The following DMGDH variants were observed in gnomAD, a reference collection of about 807,000 sequenced individuals.
The protein encoded by DMGDH is dimethylglycine dehydrogenase, also known as dimethylglycine dehydrogenase, mitochondrial.
In DMGDH, 76 loss-of-function variants were observed where a neutral mutation model predicts 95.2. The ratio of observed to expected loss-of-function variants is 0.80; its 90% CI spans 0.66 to 0.97. The LOEUF is 0.97. Ranked by LOEUF, DMGDH falls within the 50% of genes least tolerant of loss-of-function variation. The pLI is 0.00. For synonymous variants in DMGDH, 345 were observed against 377.6 expected, an observed-to-expected ratio of 0.91 and a Z score of 1.00; for missense variants, 987 against 1,055.0, an observed-to-expected ratio of 0.94 and a Z score of 0.89.
chr5:79,017,269 A>G (rs1417154938), intron 14 of DMGDH, among the ~76,000 whole-genome samples: 2 of 152,212 alleles, frequency 1.3e-5, no homozygotes, highest in Non-Finnish European at 2.9e-5. Context: ...TCTGAAAAAA[A>G]TTTGCAAAGC....
At chr5:79,049,368 T>C (rs141023643) in intron 5 of DMGDH, among the ~76,000 whole-genome samples, 1 of 152,368 alleles carries the variant, frequency 6.6e-6, no homozygotes, top group African/African-American at 2.4e-5. Flanking sequence ...AGGTCTTCTA[T>C]GTTATTTCTC....
chr5:79,051,114 A>C (rs959351508), intron 5 of DMGDH, among the ~76,000 whole-genome samples, 173 bp downstream of exon 5: 2 of 152,202 alleles, frequency 1.3e-5, no homozygotes, highest in Middle Eastern at 6.3e-3. Context: ...TAGCGCATCC[A>C]CCAAGAGCAA....
intron 15 of DMGDH, chr5:79,000,947 C>A: frequency 1.5e-6 from 1 of 677,676 alleles, no homozygotes; most frequent in Non-Finnish European, 2.7e-6. Context: ...CCTCATTTGG[C>A]AGCATCACTT....
chr5:79,064,616 T>A lies in DMGDH; in HGVS notation c.102-829A>T, dbSNP rs548950647. Among the ~76,000 whole-genome samples the A allele has an allele frequency of 8.9e-4, 136 of 152,260 alleles. 1 individual carries two copies. Among genetic ancestry groups the A allele is most frequent in the African/African-American group, 3.1e-3 (128 of 41,568 alleles). On this transcript the variant is annotated intron_variant, in intron 1 of 15. Transcript: ENST00000255189. ...GTAACTTCATTATTTTATAAACTTT[T>A]AAATTTTTTTGATTTTTGTAATAAC...
intron 5 of DMGDH, among the ~76,000 whole-genome samples, chr5:79,049,424 G>C (rs1428727374): frequency 6.6e-6 from 1 of 152,182 alleles, no homozygotes; most frequent in African/African-American, 2.4e-5. Flanking sequence ...ACTGTGTTGA[G>C]AAAAATGGTG....
chr5:79,047,167 A>G (rs1754702157), intron 5 of DMGDH, among the ~76,000 whole-genome samples: 1 of 152,156 alleles, frequency 6.6e-6, no homozygotes, highest in Admixed American at 6.5e-5. Context: ...GGGAAGAGAG[A>G]CAAGTGTGGA....
At chr5:79,066,744 G>A in intron 1 of DMGDH, among the ~76,000 whole-genome samples, 1 of 152,170 alleles carries the variant, frequency 6.6e-6, no homozygotes, top group South Asian at 2.1e-4. Context: ...AGCGTATGAT[G>A]TTGGTTTGTC....
intron 6 of DMGDH, 23 bp downstream of exon 6, chr5:79,044,281 A>G: frequency 6.2e-7 from 1 of 1,614,190 alleles, no homozygotes; most frequent in East Asian, 2.2e-5. Flanking sequence ...TGACTAGCAC[A>G]CACTTTCATT....
chr5:79,036,582 A>G (rs1754353325), intron 7 of DMGDH, among the ~76,000 whole-genome samples: 1 of 152,258 alleles, frequency 6.6e-6, no homozygotes, highest in African/African-American at 2.4e-5. Context: ...ACAAATGTCC[A>G]AAGTAAAATA....
intron 12 of DMGDH, among the ~76,000 whole-genome samples, chr5:79,027,843 T>TTC (rs147423583): frequency 0.26 from 33,171 of 126,232 alleles, 4,483 homozygotes; most frequent in African/African-American, 0.41. Flanking sequence ...CACTTTTCTT[T>TTC]TTTTTTTTTT....
At position 79,033,138 on chromosome 5, in the gene DMGDH, T is replaced by G. The variant is rs1270596645; in HGVS notation, c.1363+101A>C. ...CACAATGCTTTTTGGAGTCCCTAAC[T>G]ACCGCCATCCCAGTGAATAGAATAA... On this transcript the variant is annotated intron_variant, in intron 8 of 15. Transcript: ENST00000255189. The G allele has an allele frequency of 6.1e-6, 9 of 1,465,126 alleles. No homozygotes were observed. In the East Asian group the frequency reaches 2.1e-4, roughly 33 times the overall value. 90.8% of individuals were successfully genotyped at this position (1,465,126 alleles called of 1,614,324 possible). A position where few individuals can be genotyped will look rare whatever the true frequency, so the allele number is the denominator to read the frequency against.
intron 2 of DMGDH, among the ~76,000 whole-genome samples, chr5:79,058,684 T>C (rs1755103372): frequency 6.6e-6 from 1 of 152,146 alleles, no homozygotes; most frequent in Non-Finnish European, 1.5e-5. Context: ...AACGGAGATA[T>C]AATCATTAAG....
intron 2 of DMGDH, among the ~76,000 whole-genome samples, chr5:79,061,008 G>A (rs1012234029): frequency 6.6e-6 from 1 of 151,884 alleles, no homozygotes; most frequent in African/African-American, 2.4e-5. Flanking sequence ...GACTGCTTGA[G>A]CCCAGGAGTT....
intron 4 of DMGDH, among the ~76,000 whole-genome samples, chr5:79,052,448 A>C (rs529993042): frequency 6.6e-6 from 1 of 152,150 alleles, no homozygotes; most frequent in Non-Finnish European, 1.5e-5. Context: ...TCTTTGTGGG[A>C]AGTTTTTGAT....
chr5:79,042,432 G>A lies in DMGDH; in HGVS notation c.1044C>T (p.His348=). ...FESDLDRIME[H]IKAAMEMVPV... is the part of the protein sequence containing the mutation. ...GAACCATTTCCATGGCAGCTTTGAT[G>A]TGTTCCATGATTCGATCTAGATCAG... The change falls in exon 7 of 16, where the codon CAC becomes CAT. Residue 348 remains histidine, a synonymous_variant. Transcript: ENST00000255189. 4 of 1,614,150 alleles carry A rather than the reference G, an allele frequency of 2.5e-6. No homozygotes were observed. The highest frequency in any genetic ancestry group is 3.4e-6 in the Non-Finnish European group (4 of 1,180,026).
At chr5:79,061,209 A>G (rs1755197874) in intron 2 of DMGDH, among the ~76,000 whole-genome samples, 1 of 141,854 alleles carries the variant, frequency 7.0e-6, no homozygotes, top group Non-Finnish European at 1.5e-5. Context: ...ACAGAGTGAA[A>G]CTCTGTCTCA....
intron 2 of DMGDH, among the ~76,000 whole-genome samples, chr5:79,057,150 T>G (rs1249411295): frequency 6.6e-6 from 1 of 152,258 alleles, no homozygotes; most frequent in Non-Finnish European, 1.5e-5. Context: ...CTTTGTTGAA[T>G]AAATATTGAT....
chr5:79,020,414 C>G (rs1227176864), intron 14 of DMGDH, among the ~76,000 whole-genome samples: 1 of 152,144 alleles, frequency 6.6e-6, no homozygotes, highest in Non-Finnish European at 1.5e-5. Flanking sequence ...ACTATATTAA[C>G]AATTTCTTTC....
intron 1 of DMGDH, among the ~76,000 whole-genome samples, chr5:79,064,960 G>T (rs1755328941): frequency 6.6e-6 from 1 of 152,110 alleles, no homozygotes; most frequent in Non-Finnish European, 1.5e-5. Flanking sequence ...ATGTTGGCCA[G>T]GCTGGTCTTG....
Sources: allele counts gnomAD v4.1 joint callset (sites outside exome capture counted in the v4.1 genomes callset), GRCh38; gene constraint gnomAD v4.1.1; transcripts MANE v1.5; gene names NCBI Gene and HGNC (gene_info 2026-07-23, HGNC 2026-07-21).